Variants in MAST4 observed in about 807,000 individuals in gnomAD.
The protein encoded by MAST4 is microtubule associated serine/threonine kinase family member 4, also known as microtubule-associated serine/threonine-protein kinase 4.
Under a neutral mutation model 162.7 loss-of-function variants are expected in MAST4, and 89 were observed. The ratio of observed to expected loss-of-function variants is 0.55; its 90% CI spans 0.46 to 0.65. The LOEUF is 0.65. MAST4 is among the 30% of genes least tolerant of loss of function. The pLI, the probability that MAST4 is intolerant of heterozygous loss-of-function variation, is 0.00. For missense variants in MAST4, 3,153 were observed against 3,374.0 expected, an observed-to-expected ratio of 0.93 and a Z score of 1.62; for synonymous variants, 1,479 against 1,361.1, an observed-to-expected ratio of 1.09 and a Z score of -1.91.
intron 4 of MAST4, among the ~76,000 whole-genome samples, chr5:66,909,262 T>C (rs896976399): frequency 6.6e-6 from 1 of 152,148 alleles, no homozygotes; most frequent in Non-Finnish European, 1.5e-5. Context: ...TATATTGCTG[T>C]GGAGACAGAT....
intron 3 of MAST4, among the ~76,000 whole-genome samples, chr5:66,812,507 C>G (rs75397020): frequency 7.7e-4 from 118 of 152,294 alleles, no homozygotes; most frequent in African/African-American, 2.6e-3. Flanking sequence ...GCTTCATTGC[C>G]ATGGTCAAAT....
chr5:66,937,238 T>C (rs1436644091), intron 4 of MAST4, among the ~76,000 whole-genome samples: 1 of 152,186 alleles, frequency 6.6e-6, no homozygotes, highest in African/African-American at 2.4e-5. Context: ...TGGCCCCTTC[T>C]AAACTTCATA....
chr5:66,695,496 G>C (rs1417073202), intron 1 of MAST4, among the ~76,000 whole-genome samples: 1 of 151,996 alleles, frequency 6.6e-6, no homozygotes, highest in Non-Finnish European at 1.5e-5. Context: ...TTGGCTATAT[G>C]GGCTCTTTTT....
intron 5 of MAST4, among the ~76,000 whole-genome samples, chr5:67,083,874 G>A (rs1265082430): frequency 6.6e-6 from 1 of 152,148 alleles, no homozygotes; most frequent in African/African-American, 2.4e-5. Flanking sequence ...CTGTAGATGG[G>A]AGGAAAACAT....
At chr5:66,892,485 A>G (rs1288591470) in intron 3 of MAST4, among the ~76,000 whole-genome samples, 3 of 152,212 alleles carry the variant, frequency 2.0e-5, no homozygotes, top group African/African-American at 7.2e-5. Context: ...GTTGGCTTTA[A>G]TCCCCACATG....
chr5:67,078,930 A>ATAATATATATATAT (rs1762235601), intron 5 of MAST4, among the ~76,000 whole-genome samples: 1 of 63,134 alleles, frequency 1.6e-5, no homozygotes, highest in African/African-American at 8.3e-5. Context: ...ATATATATAT[A>ATAATATATATATAT]TATATATATA....
intron 1 of MAST4, among the ~76,000 whole-genome samples, chr5:66,722,047 C>A (rs543810379): frequency 6.6e-6 from 1 of 152,190 alleles, no homozygotes; most frequent in East Asian, 1.9e-4. Context: ...TTGCTTCCAT[C>A]CCTGCCCTCT....
chr5:67,095,012 C>G (rs1764282716), intron 6 of MAST4, among the ~76,000 whole-genome samples: 1 of 152,194 alleles, frequency 6.6e-6, no homozygotes, highest in Admixed American at 6.5e-5. Context: ...AAGGCAGTAA[C>G]TCTTAAGAGA....
intron 1 of MAST4, among the ~76,000 whole-genome samples, chr5:66,753,420 A>T (rs1474977559): frequency 9.9e-4 from 150 of 151,614 alleles, no homozygotes; most frequent in Non-Finnish European, 1.1e-3. Context: ...TAATAAAGAA[A>T]AAAAGAGAGA....
At chr5:66,772,533 G>T (rs538865704) in intron 2 of MAST4, among the ~76,000 whole-genome samples, 2 of 152,276 alleles carry the variant, frequency 1.3e-5, no homozygotes, top group South Asian at 4.1e-4. Flanking sequence ...GAATCCCCTG[G>T]ACAACAGAGG....
chr5:66,616,933 T>A (rs562867867), intron 1 of MAST4, among the ~76,000 whole-genome samples: 22 of 152,330 alleles, frequency 1.4e-4, no homozygotes, highest in African/African-American at 5.3e-4. Flanking sequence ...ATTATCTGTG[T>A]AATAACATAC....
At chr5:66,930,675 T>C (rs964937285) in intron 4 of MAST4, 17 of 469,670 alleles carry the variant, frequency 3.6e-5, no homozygotes, top group Admixed American at 9.4e-5. Context: ...TTGACATGCT[T>C]TCAGGAATGT....
At chr5:67,136,813 T>C (rs1040890441) in intron 19 of MAST4, 149 bp downstream of exon 19, 1 of 598,260 alleles carries the variant, frequency 1.7e-6, no homozygotes, top group African/African-American at 1.9e-5. Context: ...ATAGCAATAA[T>C]ATTTTGGATT....
intron 3 of MAST4, among the ~76,000 whole-genome samples, chr5:66,816,262 T>G (rs932000841): frequency 6.6e-6 from 1 of 152,012 alleles, no homozygotes; most frequent in Non-Finnish European, 1.5e-5. Context: ...ATTGTTAGTG[T>G]TCATGTATTT....
chr5:66,931,348 T>A (rs1742171777), intron 4 of MAST4, among the ~76,000 whole-genome samples: 1 of 152,154 alleles, frequency 6.6e-6, no homozygotes, highest in African/African-American at 2.4e-5. Flanking sequence ...AAGCTATTAA[T>A]TTTTCCAATT....
chr5:67,073,887 T>C (rs1761269229), intron 5 of MAST4, among the ~76,000 whole-genome samples: 1 of 152,168 alleles, frequency 6.6e-6, no homozygotes, highest in African/African-American at 2.4e-5. Context: ...TAATATATAG[T>C]TGAACATTTA....
At chr5:66,747,616 G>A (rs1035237093) in intron 1 of MAST4, among the ~76,000 whole-genome samples, 2 of 152,148 alleles carry the variant, frequency 1.3e-5, no homozygotes, top group Non-Finnish European at 2.9e-5. Flanking sequence ...CCTCTGTCCC[G>A]CTTCCTGTTC....
chr5:66,837,023 CATGTGTGTGT>C (rs1171461181), intron 3 of MAST4, among the ~76,000 whole-genome samples: 1 of 144,674 alleles, frequency 6.9e-6, no homozygotes, highest in Non-Finnish European at 1.5e-5. Context: ...CATGCAGGAT[CATGTGTGTGT>C]GTGTGTGTGT....
At chr5:67,008,476 A>C (rs982599518) in intron 4 of MAST4, among the ~76,000 whole-genome samples, 2 of 152,326 alleles carry the variant, frequency 1.3e-5, no homozygotes, top group Admixed American at 6.5e-5. Flanking sequence ...AAAGGGCTAC[A>C]ATTGATTTCT....
Sources: gnomAD v4.1 joint callset for allele counts (sites outside exome capture counted in the v4.1 genomes callset) on GRCh38, gnomAD v4.1.1 for gene constraint, MANE v1.5 for transcripts, NCBI Gene and HGNC (gene_info 2026-07-23, HGNC 2026-07-21) for gene names.